Variants in ANKRD44 observed in about 807,000 individuals in gnomAD.
ANKRD44 encodes ankyrin repeat domain 44.
In ANKRD44, 35 loss-of-function variants were observed where a neutral mutation model predicts 116.0. The ratio of observed to expected loss-of-function variants is 0.30; its 90% CI spans 0.23 to 0.40. The LOEUF (loss-of-function observed/expected upper bound fraction) is 0.40, where lower values mean the gene tolerates loss of function less well. Ranked by LOEUF, ANKRD44 falls within the 10% of genes least tolerant of loss-of-function variation. The pLI is 1.00. For synonymous variants in ANKRD44, 435 were observed against 461.8 expected (o/e 0.94, Z 0.74); for missense variants, 1,014 against 1,242.6 (o/e 0.82, Z 2.77).
chr2:197,043,672 A>G (rs2076951312), intron 16 of ANKRD44, among the ~76,000 whole-genome samples: 1 of 152,240 alleles, frequency 6.6e-6, no homozygotes, highest in Non-Finnish European at 1.5e-5. Context: ...TTCCATTTAA[A>G]AAACAGGTAG....
intron 1 of ANKRD44, among the ~76,000 whole-genome samples, chr2:197,222,455 C>T (rs907807837): frequency 2.6e-5 from 4 of 152,188 alleles, no homozygotes; most frequent in Admixed American, 2.0e-4. Flanking sequence ...TTGTGGATCA[C>T]GCAGCTTTAA....
At chr2:197,123,054 C>T (rs2078894707) in intron 6 of ANKRD44, among the ~76,000 whole-genome samples, 2 of 152,164 alleles carry the variant, frequency 1.3e-5, no homozygotes, top group South Asian at 2.1e-4. Context: ...ATGCTTGTTA[C>T]CACACTAATG....
intron 4 of ANKRD44, among the ~76,000 whole-genome samples, chr2:197,128,359 T>C (rs1056740136): frequency 1.3e-5 from 2 of 152,236 alleles, no homozygotes; most frequent in African/African-American, 4.8e-5. Context: ...TGGTATCTCA[T>C]TGTGGTTTTG....
intron 1 of ANKRD44, among the ~76,000 whole-genome samples, chr2:197,208,781 CAG>C (rs1290174914): frequency 6.6e-6 from 1 of 151,876 alleles, no homozygotes; most frequent in Non-Finnish European, 1.5e-5. Context: ...GGCTGGGCGA[CAG>C]AGCGAGACTC....
chr2:197,155,020 G>A lies in ANKRD44; in HGVS notation c.112-7915C>T, dbSNP rs13393288. ...TCTAACTCCTGAAACGAAGAATCAC[G>A]CACAAGAATTAAAATGATGATAAAA... On this transcript the variant is annotated intron_variant, in intron 2 of 27. Transcript: ENST00000282272. 7.9e-3 allele frequency among the ~76,000 whole-genome samples: 1,204 copies of A among 152,054 alleles called. 16 individuals carry two copies. The highest frequency in any genetic ancestry group is 0.026 in the African/African-American group (1,098 of 41,458).
At position 196,988,011 on chromosome 2, in the gene ANKRD44, G is replaced by C; in HGVS notation, c.*1580C>G. ...AGAGAGAGAGATCAGTTGATGTAAT[G>C]AACAGTTCATTGTGAGCATGATTTC... On this transcript the variant is annotated 3_prime_UTR_variant, in exon 28 of 28. Transcript: ENST00000282272. 1 of 985,372 alleles carries C rather than the reference G, an allele frequency of 1.0e-6. No homozygotes were observed. Among genetic ancestry groups the C allele is most frequent in the Non-Finnish European group, 1.2e-6 (1 of 829,914 alleles). 61.0% of individuals were successfully genotyped at this position (985,372 alleles called of 1,614,324 possible). A position where few individuals can be genotyped will look rare whatever the true frequency, so the allele number is the denominator to read the frequency against.
intron 10 of ANKRD44, among the ~76,000 whole-genome samples, chr2:197,093,124 A>G (rs2078080747): frequency 2.0e-5 from 3 of 152,026 alleles, no homozygotes; most frequent in Middle Eastern, 6.8e-3. Flanking sequence ...ACACACACAC[A>G]TATGTTCATA....
At chr2:197,109,093 A>C (rs992941506) in intron 9 of ANKRD44, among the ~76,000 whole-genome samples, 1 of 152,180 alleles carries the variant, frequency 6.6e-6, no homozygotes, top group African/African-American at 2.4e-5. Flanking sequence ...GAAGGAGAAA[A>C]GTTGTTTTCC....
At chr2:197,091,014 A>C (rs1427720308) in intron 10 of ANKRD44, among the ~76,000 whole-genome samples, 1 of 152,250 alleles carries the variant, frequency 6.6e-6, no homozygotes, top group African/African-American at 2.4e-5. Flanking sequence ...GCCAAGCAAG[A>C]GCTCAGGAAC....
At chr2:197,054,710 C>T (rs757276319) in intron 16 of ANKRD44, among the ~76,000 whole-genome samples, 2 of 152,116 alleles carry the variant, frequency 1.3e-5, no homozygotes, top group South Asian at 2.1e-4. Flanking sequence ...ATTTATGACA[C>T]TTTTCTGATG....
At chr2:197,135,203 G>A (rs1011300606) in intron 4 of ANKRD44, 4 of 152,066 alleles carry the variant, frequency 2.6e-5, no homozygotes, top group Admixed American at 6.5e-5. Flanking sequence ...CACCAATAAC[G>A]GCCAAAGACA....
At chr2:197,290,206 C>G (rs1353767650) in intron 1 of ANKRD44, among the ~76,000 whole-genome samples, 1 of 151,328 alleles carries the variant, frequency 6.6e-6, no homozygotes, top group African/African-American at 2.5e-5. Flanking sequence ...TACTAATTTA[C>G]ATTCCCACCA....
intron 9 of ANKRD44, among the ~76,000 whole-genome samples, chr2:197,102,079 C>A (rs1319534269): frequency 2.7e-5 from 4 of 150,570 alleles, no homozygotes; most frequent in East Asian, 1.9e-4. Flanking sequence ...AAAACAAAAA[C>A]AAAAAAAAAT....
At chr2:197,052,710 G>C (rs1290351523) in intron 16 of ANKRD44, among the ~76,000 whole-genome samples, 1 of 152,152 alleles carries the variant, frequency 6.6e-6, no homozygotes, top group Non-Finnish European at 1.5e-5. Context: ...TGGTAAAAGA[G>C]GGATTAAAAC....
intron 19 of ANKRD44, 152 bp downstream of exon 19, chr2:197,008,792 A>G (rs2076244673): frequency 1.6e-6 from 1 of 644,558 alleles, no homozygotes; most frequent in Admixed American, 2.7e-5. Context: ...ACGCACTGTG[A>G]CTTAAAGCCA....
chr2:197,166,595 G>T (rs929568675), intron 2 of ANKRD44, among the ~76,000 whole-genome samples: 1 of 152,218 alleles, frequency 6.6e-6, no homozygotes, highest in East Asian at 1.9e-4. Context: ...CAGAGAAGAA[G>T]AATCACTGAC....
At chr2:197,170,214 A>C (rs1044396831) in intron 2 of ANKRD44, among the ~76,000 whole-genome samples, 7 of 146,772 alleles carry the variant, frequency 4.8e-5, no homozygotes, top group African/African-American at 1.8e-4. Flanking sequence ...AAAAAAAAAA[A>C]CTGGGAGGCA....
chr2:197,014,608 T>C (rs912792702), intron 17 of ANKRD44, among the ~76,000 whole-genome samples: 1 of 151,554 alleles, frequency 6.6e-6, no homozygotes, highest in Non-Finnish European at 1.5e-5. Context: ...GCCAAAATAG[T>C]GAAACCTCGT....
intron 17 of ANKRD44, among the ~76,000 whole-genome samples, chr2:197,021,152 A>G (rs1163108140): frequency 6.6e-6 from 1 of 152,238 alleles, no homozygotes; most frequent in Non-Finnish European, 1.5e-5. Flanking sequence ...GCTGCATAGT[A>G]GTCCACGGTG....
Sources: gnomAD v4.1 joint callset for allele counts (sites outside exome capture counted in the v4.1 genomes callset) on GRCh38, gnomAD v4.1.1 for gene constraint, MANE v1.5 for transcripts, NCBI Gene and HGNC (gene_info 2026-07-23, HGNC 2026-07-21) for gene names.